The following LHFPL3 variants were observed in gnomAD, a reference collection of about 807,000 sequenced individuals.
The protein encoded by LHFPL3 is LHFPL tetraspan subfamily member 3 protein.
In LHFPL3, 5 loss-of-function variants were observed where a neutral mutation model predicts 19.3. That is an observed-to-expected ratio of 0.26 (90% confidence interval 0.14 to 0.54). The LOEUF (loss-of-function observed/expected upper bound fraction) is 0.54, where lower values mean the gene tolerates loss of function less well. Among genes scored for constraint, LHFPL3 ranks in the 20% least tolerant of loss-of-function variants. The pLI, the probability that LHFPL3 is intolerant of heterozygous loss-of-function variation, is 0.94. For synonymous variants in LHFPL3, 133 were observed against 126.2 expected, an observed-to-expected ratio of 1.05 and a Z score of -0.36; for missense variants, 249 against 307.4, an observed-to-expected ratio of 0.81 and a Z score of 1.42.
intron 1 of LHFPL3, among the ~76,000 whole-genome samples, chr7:104,431,261 A>C (rs1347369952): frequency 1.3e-5 from 2 of 152,146 alleles, no homozygotes. Context: ...CCTTCATCAG[A>C]TGCTTCTCAG....
chr7:104,431,541 A>G (rs1352099922), intron 1 of LHFPL3, among the ~76,000 whole-genome samples: 2 of 152,144 alleles, frequency 1.3e-5, no homozygotes, highest in Non-Finnish European at 2.9e-5. Context: ...TATCTCTTGC[A>G]GTATTCTCCT....
chr7:104,391,245 A>G lies in LHFPL3; in HGVS notation c.445+62021A>G, dbSNP rs181802838. ...TGCCATTGCTTTTGGTGTTTTAGAC[A>G]TGAAGTCCTTGCCCATGCCTATGTC... is the stretch of plus-strand genomic sequence containing the variant. On this transcript the variant is annotated intron_variant, in intron 1 of 2. Transcript: ENST00000424859. Among the ~76,000 whole-genome samples, 339 of 152,326 alleles carry G rather than the reference A, an allele frequency of 2.2e-3. 2 individuals carry two copies. Among genetic ancestry groups the G allele is most frequent in the Non-Finnish European group, 2.8e-3 (191 of 68,032 alleles).
intron 1 of LHFPL3, among the ~76,000 whole-genome samples, chr7:104,356,789 G>A (rs1262506064): frequency 6.6e-6 from 1 of 152,130 alleles, no homozygotes; most frequent in Non-Finnish European, 1.5e-5. Context: ...CCCAGATAAT[G>A]AGAATCAAGA....
Position 104,463,126 on chromosome 7 carries a change from C to T in LHFPL3, c.445+133902C>T, listed in dbSNP as rs147944343. On this transcript the variant is annotated intron_variant, in intron 1 of 2. Transcript: ENST00000424859. ...AATTATGTTTATTTGAATCTTCTCT[C>T]CTTTCTTCTTTATTAGTCTAGCTAG... Among the ~76,000 whole-genome samples the T allele has an allele frequency of 3.5e-4, 54 of 152,202 alleles. No homozygotes were observed. In the East Asian group the frequency reaches 9.5e-3, roughly 27 times the overall value.
At chr7:104,608,402 A>T (rs1791146291) in intron 1 of LHFPL3, among the ~76,000 whole-genome samples, 1 of 150,586 alleles carries the variant, frequency 6.6e-6, no homozygotes, top group Non-Finnish European at 1.5e-5. Flanking sequence ...AAGGACAAAA[A>T]ACCAAACACC....
At chr7:104,818,498 G>A (rs1486211288) in intron 2 of LHFPL3, among the ~76,000 whole-genome samples, 1 of 151,796 alleles carries the variant, frequency 6.6e-6, no homozygotes. Context: ...CAGAGATCGT[G>A]CCAAATATCT....
intron 2 of LHFPL3, among the ~76,000 whole-genome samples, chr7:104,858,960 TAA>T (rs34510317): frequency 0.13 from 18,866 of 149,318 alleles, 1,679 homozygotes; most frequent in South Asian, 0.37. Context: ...AAATTTTATT[TAA>T]AAAAAAAAAA....
intron 1 of LHFPL3, among the ~76,000 whole-genome samples, chr7:104,364,057 A>C (rs1790439079): frequency 6.6e-6 from 1 of 152,202 alleles, no homozygotes; most frequent in Admixed American, 6.5e-5. Flanking sequence ...TGAGTATTAA[A>C]AGTAGAGTCG....
chr7:104,874,366 G>T (rs1006545347), intron 2 of LHFPL3, among the ~76,000 whole-genome samples: 1 of 148,808 alleles, frequency 6.7e-6, no homozygotes, highest in African/African-American at 2.5e-5. Context: ...TCTGCTGATA[G>T]TGTTTTAATG....
rs768627123 is a variant in LHFPL3, at chr7:104,471,943, C to T, written c.445+142719C>T. 1.1e-4 allele frequency among the ~76,000 whole-genome samples: 17 copies of T among 152,108 alleles called. 1 individual carries two copies. The highest frequency in any genetic ancestry group is 4.2e-4 in the South Asian group (2 of 4,812). On this transcript the variant is annotated intron_variant, in intron 1 of 2. Coordinates refer to ENST00000424859, the MANE Select transcript of LHFPL3 (RefSeq NM_199000.3). ...TTGTAAACCCAGCACTTCAGGAGGC[C>T]GAGGCAGGAGGATTGCTTGGCCCCA...
chr7:104,720,378 A>G (rs1469446336), intron 1 of LHFPL3, among the ~76,000 whole-genome samples: 1 of 152,180 alleles, frequency 6.6e-6, no homozygotes, highest in Non-Finnish European at 1.5e-5. Flanking sequence ...TATACCTTAT[A>G]CAAAAATTAA....
chr7:104,710,530 T>C (rs1035817660), intron 1 of LHFPL3, among the ~76,000 whole-genome samples: 5 of 152,210 alleles, frequency 3.3e-5, no homozygotes, highest in African/African-American at 9.6e-5. Flanking sequence ...AATTAAACTC[T>C]GTAATTGTAT....
chr7:104,487,510 T>G (rs1489618513), intron 1 of LHFPL3, among the ~76,000 whole-genome samples: 1 of 152,146 alleles, frequency 6.6e-6, no homozygotes, highest in East Asian at 1.9e-4. Context: ...GACATGCCAG[T>G]TAACCTAACG....
At chr7:104,471,894 T>A (rs1296345518) in intron 1 of LHFPL3, among the ~76,000 whole-genome samples, 6 of 152,206 alleles carry the variant, frequency 3.9e-5, no homozygotes, top group Non-Finnish European at 7.4e-5. Flanking sequence ...TATAAAAATT[T>A]CTGCCACATG....
intron 1 of LHFPL3, among the ~76,000 whole-genome samples, chr7:104,732,672 C>G (rs1296088718): frequency 1.3e-5 from 2 of 152,238 alleles, no homozygotes; most frequent in South Asian, 4.2e-4. Context: ...TTTCAAAAAA[C>G]CAGCTCCTGG....
chr7:104,502,814 C>T (rs1434741869), intron 1 of LHFPL3, among the ~76,000 whole-genome samples: 3 of 152,168 alleles, frequency 2.0e-5, no homozygotes, highest in Non-Finnish European at 4.4e-5. Context: ...GTTTACACAA[C>T]TCTATTCCAT....
At chr7:104,699,590 G>C (rs1395134216) in intron 1 of LHFPL3, among the ~76,000 whole-genome samples, 1 of 152,158 alleles carries the variant, frequency 6.6e-6, no homozygotes, top group African/African-American at 2.4e-5. Flanking sequence ...GCTTCAGTTG[G>C]GGAAGATGAA....
At chr7:104,842,779 C>A (rs1247715580) in intron 2 of LHFPL3, among the ~76,000 whole-genome samples, 3 of 152,156 alleles carry the variant, frequency 2.0e-5, no homozygotes, top group Non-Finnish European at 4.4e-5. Context: ...TTAATAATTC[C>A]ATTTAAATGT....
At chr7:104,511,431 C>T (rs1328676315) in intron 1 of LHFPL3, among the ~76,000 whole-genome samples, 1 of 152,158 alleles carries the variant, frequency 6.6e-6, no homozygotes, top group Non-Finnish European at 1.5e-5. Context: ...CTGAAACATG[C>T]AATTACTATA....
Sources: gnomAD v4.1 joint callset for allele counts (sites outside exome capture counted in the v4.1 genomes callset) on GRCh38, gnomAD v4.1.1 for gene constraint, MANE v1.5 for transcripts, NCBI Gene and HGNC (gene_info 2026-07-23, HGNC 2026-07-21) for gene names.